PPP2R5C: variants seen among roughly 807,000 people sequenced by gnomAD.
PPP2R5C encodes the protein serine/threonine-protein phosphatase 2A 56 kDa regulatory subunit gamma isoform.
In PPP2R5C, 7 loss-of-function variants were observed where a neutral mutation model predicts 68.9. The observed-to-expected ratio is 0.10, with a 90% CI of 0.06 to 0.19. The LOEUF is 0.19. Among genes scored for constraint, PPP2R5C ranks in the 10% least tolerant of loss-of-function variants. The pLI is 1.00. For missense variants in PPP2R5C, 348 were observed against 641.3 expected (o/e 0.54, Z 4.94); for synonymous variants, 210 against 222.2 (o/e 0.95, Z 0.49).
At chr14:101,780,152 A>C (rs2037605875) in intron 2 of PPP2R5C, among the ~76,000 whole-genome samples, 2 of 152,178 alleles carry the variant, frequency 1.3e-5, no homozygotes, top group East Asian at 3.9e-4. Flanking sequence ...GGACTCCAAG[A>C]ACCAGAACGT....
At chr14:101,763,081 G>T in intron 2 of PPP2R5C, 111 bp downstream of exon 2, 19 of 780,930 alleles carry the variant, frequency 2.4e-5, no homozygotes, top group South Asian at 2.1e-4. Flanking sequence ...CCTATGTGAG[G>T]TTTTTTTTTT....
intron 6 of PPP2R5C, among the ~76,000 whole-genome samples, chr14:101,892,168 G>T (rs1211162752): frequency 3.9e-5 from 6 of 152,068 alleles, no homozygotes; most frequent in Non-Finnish European, 5.9e-5. Flanking sequence ...TCTTGGCCAG[G>T]CTGGTCTTGA....
At position 101,771,171 on chromosome 14, in the gene PPP2R5C, C is replaced by T. The variant is rs565734987; in HGVS notation, c.93+8201C>T. Among the ~76,000 whole-genome samples, 14 of 150,866 alleles carry T rather than the reference C, an allele frequency of 9.3e-5. No homozygotes were observed. The South Asian group carries it at 2.7e-3, about 29-fold the overall frequency. ...GAACAAGCCTAGAAATTAAGCTCTC[C>T]AGAAGGGGAAAAAAATGCTTTATTA... is the stretch of plus-strand genomic sequence containing the variant. On this transcript the variant is annotated intron_variant, in intron 2 of 14. Transcript: ENST00000328724.
chr14:101,795,050 G>A (rs1319359943), intron 3 of PPP2R5C, among the ~76,000 whole-genome samples: 1 of 152,182 alleles, frequency 6.6e-6, no homozygotes, highest in Non-Finnish European at 1.5e-5. Flanking sequence ...TCTTGTTTCT[G>A]ACATTAGTGG....
chr14:101,798,608 T>C (rs1293417616), intron 3 of PPP2R5C, among the ~76,000 whole-genome samples: 1 of 152,330 alleles, frequency 6.6e-6, no homozygotes, highest in East Asian at 1.9e-4. Context: ...AAATATGAAA[T>C]AATTGTTTCT....
chr14:101,783,423 C>CA (rs1020877835), intron 2 of PPP2R5C, among the ~76,000 whole-genome samples: 1 of 151,252 alleles, frequency 6.6e-6, no homozygotes, highest in Admixed American at 6.6e-5. Context: ...GATGCCCCCT[C>CA]AGAGTTGGTG....
At chr14:101,853,563 C>T (rs938100919) in intron 1 of PPP2R5C, among the ~76,000 whole-genome samples, 7 of 152,138 alleles carry the variant, frequency 4.6e-5, no homozygotes, top group Non-Finnish European at 7.4e-5. Context: ...GTGTTTATAA[C>T]GCGAATGATG....
At chr14:101,809,271 A>G (rs976849601), upstream of PPP2R5C, among the ~76,000 whole-genome samples, 2 of 152,096 alleles carry the variant, frequency 1.3e-5, no homozygotes, top group African/African-American at 4.8e-5. Flanking sequence ...GGGAAAAAAT[A>G]GATCTCAAGA....
intron 1 of PPP2R5C, chr14:101,836,481 C>A: frequency 1.5e-6 from 1 of 646,256 alleles, no homozygotes; most frequent in African/African-American, 1.8e-5. Flanking sequence ...ATTTTGGAAA[C>A]TTATGTCTCA....
In PPP2R5C at chr14:101,835,254, G is replaced by T. The variant is rs899078128; in HGVS notation, c.95-21432G>T. Among the ~76,000 whole-genome samples, 4 of 152,176 alleles carry T rather than the reference G, an allele frequency of 2.6e-5. No individual in the cohort carries two copies. Among genetic ancestry groups the T allele is most frequent in the African/African-American group, 7.2e-5 (3 of 41,442 alleles). Reference sequence around the variant, plus strand: ...TGTCCTGTGGCTGGGGGAGCAGGATGAATTGGGATAAGGGAAGCCCAGGGC... The same window carrying T: ...TGTCCTGTGGCTGGGGGAGCAGGATTAATTGGGATAAGGGAAGCCCAGGGC... On this transcript the variant is annotated intron_variant, in intron 1 of 13. Transcript: ENST00000334743. The surrounding 1 kb of genome is among the most constrained non-coding windows in gnomAD (Gnocchi z 5.0).
intron 1 of PPP2R5C, chr14:101,831,745 A>C (rs1453343712): frequency 1.4e-6 from 1 of 702,532 alleles, no homozygotes; most frequent in African/African-American, 1.7e-5. Context: ...CAGAGGGCCA[A>C]CTTTTCATAC....
chr14:101,904,837 C>T (rs949845603), intron 9 of PPP2R5C, among the ~76,000 whole-genome samples: 2 of 152,192 alleles, frequency 1.3e-5, no homozygotes, highest in African/African-American at 4.8e-5. Flanking sequence ...AGGTGAAGCT[C>T]CTCTTCCCAG....
intron 2 of PPP2R5C, among the ~76,000 whole-genome samples, chr14:101,858,656 A>G (rs953962829): frequency 1.3e-5 from 2 of 151,884 alleles, no homozygotes; most frequent in Admixed American, 6.6e-5. Context: ...CTTCCTTATT[A>G]TGTGTTCATT....
intron 1 of PPP2R5C, among the ~76,000 whole-genome samples, chr14:101,851,128 T>A (rs1221897847): frequency 6.6e-6 from 1 of 152,140 alleles, no homozygotes; most frequent in Non-Finnish European, 1.5e-5. Context: ...TGGGAGCACC[T>A]TGCATGGAAG....
Position 101,835,306 on chromosome 14 carries a change from G to A in PPP2R5C, c.95-21380G>A, listed in dbSNP as rs774649951. 2.0e-5 allele frequency among the ~76,000 whole-genome samples: 3 copies of A among 152,204 alleles called. No individual in the cohort carries two copies. Among genetic ancestry groups the A allele is most frequent in the Non-Finnish European group, 2.9e-5 (2 of 68,038 alleles). The stretch of plus-strand genomic sequence containing the variant: ...GGGTGTTGGCACAGAGCTGGGAGGT[G>A]CATTACACCGAGGAACTGACGTGGC... On this transcript the variant is annotated intron_variant, in intron 1 of 13. Coordinates refer to ENST00000334743, the Ensembl canonical transcript of PPP2R5C. This position sits in a 1 kb window ranked among gnomAD's most constrained non-coding sequence, Gnocchi z 5.0.
chr14:101,864,602 CCT>C, intron 2 of PPP2R5C, among the ~76,000 whole-genome samples: 1 of 152,160 alleles, frequency 6.6e-6, no homozygotes, highest in Admixed American at 6.5e-5. Flanking sequence ...AGAGAAGTGG[CCT>C]CTCTACACCA....
intron 2 of PPP2R5C, among the ~76,000 whole-genome samples, chr14:101,874,049 A>C (rs1451432692): frequency 6.6e-6 from 1 of 152,194 alleles, no homozygotes; most frequent in East Asian, 1.9e-4. Flanking sequence ...TACTCAATAA[A>C]CACTTAACTC....
intron 1 of PPP2R5C, among the ~76,000 whole-genome samples, chr14:101,842,870 TTACTTAAAACCATACA>T (rs2041580494): frequency 6.6e-6 from 1 of 151,816 alleles, no homozygotes; most frequent in African/African-American, 2.4e-5. Context: ...CCTATCATAC[TTACTTAAAACCATACA>T]TACTTAAAAC....
exon 14 of PPP2R5C, chr14:101,925,309 T>A: frequency 1.2e-6 from 2 of 1,607,424 alleles, no homozygotes; most frequent in Non-Finnish European, 8.5e-7. Flanking sequence ...GCCCGCCAGT[T>A]CTTTTCCGGA....
Sources: allele counts gnomAD v4.1 joint callset (sites outside exome capture counted in the v4.1 genomes callset), GRCh38; gene constraint gnomAD v4.1.1; non-coding constraint Gnocchi (gnomAD v3.1); transcripts MANE v1.5; gene names NCBI Gene and HGNC (gene_info 2026-07-23, HGNC 2026-07-21).